The following TENM4 variants were observed in gnomAD, a reference collection of about 807,000 sequenced individuals.
TENM4 encodes teneurin-4.
TENM4 carries 82 observed loss-of-function variants against 243.3 expected under a neutral mutation model. The ratio of observed to expected loss-of-function variants is 0.34; its 90% CI spans 0.28 to 0.40. TENM4 has a LOEUF of 0.40. Ranked by LOEUF, TENM4 falls within the 10% of genes least tolerant of loss-of-function variation. The pLI is 1.00. For synonymous variants in TENM4, 1,412 were observed against 1,456.3 expected (o/e 0.97, Z 0.69); for missense variants, 3,138 against 3,673.3 (o/e 0.85, Z 3.77).
In TENM4 at chr11:79,140,963, G is replaced by T. The variant is rs537101197; in HGVS notation, c.-66+7747C>A. Reference sequence around the variant, plus strand: ...CCTCTGACTCTACCGTCTGTGGGTGGAAAAACAATCTTTCCCCTTGGACCA... The same window carrying T: ...CCTCTGACTCTACCGTCTGTGGGTGTAAAAACAATCTTTCCCCTTGGACCA... On this transcript the variant is annotated intron_variant, in intron 4 of 33. Coordinates refer to ENST00000278550, the MANE Select transcript of TENM4 (RefSeq NM_001098816.3). 3.3e-5 allele frequency among the ~76,000 whole-genome samples: 5 copies of T among 152,054 alleles called. No individual in the cohort carries two copies. In the South Asian group the frequency reaches 1.0e-3, roughly 32 times the overall value.
intron 6 of TENM4, among the ~76,000 whole-genome samples, chr11:78,937,838 C>G (rs1565134584): frequency 6.6e-6 from 1 of 152,196 alleles, no homozygotes; most frequent in Non-Finnish European, 1.5e-5. Flanking sequence ...GTCTCTGTTT[C>G]TGTTTTCCTT....
chr11:78,739,549 A>C (rs1855875154), intron 19 of TENM4, among the ~76,000 whole-genome samples: 3 of 152,112 alleles, frequency 2.0e-5, no homozygotes, highest in Admixed American at 2.0e-4. Flanking sequence ...ACTATGTCTA[A>C]CAAATGCTAG....
rs143737431 is a variant in TENM4 at position 79,376,647 on chromosome 11, A to G, written c.-321+63862T>C. ...CGATGAATGAATGAATGAATGAACG[A>G]ACAGTGGTCCCAACATCTCCAATTT... On this transcript the variant is annotated intron_variant, in intron 1 of 33. Transcript: ENST00000278550. 9.8e-5 allele frequency among the ~76,000 whole-genome samples: 15 copies of G among 152,290 alleles called. No individual in the cohort carries two copies. The East Asian group carries it at 1.7e-3, about 18-fold the overall frequency.
At chr11:79,266,959 A>G (rs1855893608) in intron 2 of TENM4, among the ~76,000 whole-genome samples, 1 of 152,182 alleles carries the variant, frequency 6.6e-6, no homozygotes, top group South Asian at 2.1e-4. Flanking sequence ...CCACATTCAC[A>G]AGTGAGCATT....
At chr11:79,205,159 T>C (rs145607375) in intron 3 of TENM4, among the ~76,000 whole-genome samples, 192 of 152,320 alleles carry the variant, frequency 1.3e-3, no homozygotes, top group African/African-American at 4.4e-3. Flanking sequence ...TAAATTGATA[T>C]TTGTATTGAG....
chr11:79,146,504 A>G (rs926929874), intron 4 of TENM4, among the ~76,000 whole-genome samples: 8 of 152,130 alleles, frequency 5.3e-5, no homozygotes, highest in African/African-American at 1.9e-4. Flanking sequence ...TTCAACAGGT[A>G]CTAGAGGGTA....
At chr11:78,984,916 T>C (rs1857884524) in intron 6 of TENM4, among the ~76,000 whole-genome samples, 1 of 152,186 alleles carries the variant, frequency 6.6e-6, no homozygotes, top group Non-Finnish European at 1.5e-5. Context: ...TATTGGACAG[T>C]ACAAGTTCTA....
Position 78,701,648 on chromosome 11 carries a change from G to A in TENM4, c.4965C>T (p.Gly1655=). The part of the protein sequence containing the change: ...PDGQVYWVTM[G]TNSALKSVTT... ...TCACACTCTTGAGTGCACTGTTGGTGCCCATGGTCACCCAGTACACCTGGC... is the reference window on the plus strand; with the variant it reads ...TCACACTCTTGAGTGCACTGTTGGTACCCATGGTCACCCAGTACACCTGGC... The change falls in exon 28 of 34, where the codon GGC becomes GGT. Residue 1655 remains glycine (G), a synonymous_variant. Coordinates refer to ENST00000278550, the MANE Select transcript of TENM4 (RefSeq NM_001098816.3). The A allele has an allele frequency of 6.2e-7, 1 of 1,613,962 alleles. No homozygotes were observed. Among genetic ancestry groups the A allele is most frequent in the Non-Finnish European group, 8.5e-7 (1 of 1,179,872 alleles).
At position 79,148,688 on chromosome 11, in the gene TENM4, A is replaced by G. The variant is rs996047122; in HGVS notation, c.-66+22T>C. On this transcript the variant is annotated intron_variant, in intron 4 of 33. Coordinates refer to ENST00000278550, the MANE Select transcript of TENM4 (RefSeq NM_001098816.3). ...AACTTAAATCATGAATACTCTCTGA[A>G]GTGTAAAAAAAATCAACTCACTTTT... 7 of 816,094 alleles carry G rather than the reference A, an allele frequency of 8.6e-6. No individual in the cohort carries two copies. In the African/African-American group the frequency reaches 1.1e-4, roughly 13 times the overall value. 50.6% of individuals were successfully genotyped at this position (816,094 alleles called of 1,614,324 possible).
At chr11:79,270,492 A>G (rs1354416481) in intron 2 of TENM4, among the ~76,000 whole-genome samples, 1 of 152,176 alleles carries the variant, frequency 6.6e-6, no homozygotes, top group Non-Finnish European at 1.5e-5. Flanking sequence ...ACTGGATCAA[A>G]TTCAAACTCC....
intron 6 of TENM4, among the ~76,000 whole-genome samples, chr11:78,999,232 G>A (rs1158305693): frequency 6.6e-6 from 1 of 152,182 alleles, no homozygotes; most frequent in African/African-American, 2.4e-5. Flanking sequence ...ATAAACAATG[G>A]GCTGGGCGGG....
chr11:78,749,345 T>C (rs1856127226), intron 19 of TENM4: 1 of 144,594 alleles, frequency 6.9e-6, no homozygotes, highest in Non-Finnish European at 1.5e-5. Flanking sequence ...TAATTTATCA[T>C]TGTCTTTCTT....
chr11:78,671,138 T>A (rs1170730292), intron 31 of TENM4, among the ~76,000 whole-genome samples: 2 of 152,204 alleles, frequency 1.3e-5, no homozygotes, highest in Non-Finnish European at 2.9e-5. Flanking sequence ...CTTTGCACAA[T>A]GACAGGTCAT....
intron 6 of TENM4, among the ~76,000 whole-genome samples, chr11:79,029,030 T>C (rs1036399448): frequency 6.6e-6 from 1 of 152,184 alleles, no homozygotes; most frequent in Admixed American, 6.5e-5. Context: ...CTTAAGAATT[T>C]ACTCACATTT....
At chr11:79,125,627 T>G (rs796131197) in intron 4 of TENM4, among the ~76,000 whole-genome samples, 7 of 152,244 alleles carry the variant, frequency 4.6e-5, no homozygotes, top group African/African-American at 1.7e-4. Context: ...ATGAACTTTT[T>G]TGCCAGAAGA....
At chr11:78,695,127 C>T (rs931652515) in intron 28 of TENM4, among the ~76,000 whole-genome samples, 1 of 150,492 alleles carries the variant, frequency 6.6e-6, no homozygotes, top group African/African-American at 2.5e-5. Flanking sequence ...GATCACTGCA[C>T]CCTTGAACTC....
intron 23 of TENM4, among the ~76,000 whole-genome samples, chr11:78,723,292 C>A (rs928687926): frequency 1.3e-5 from 2 of 152,236 alleles, no homozygotes; most frequent in Admixed American, 1.3e-4. Context: ...TCTCATGTAC[C>A]CAGTCCATAG....
chr11:78,894,215 G>T (rs1855736781), intron 7 of TENM4, among the ~76,000 whole-genome samples: 1 of 152,154 alleles, frequency 6.6e-6, no homozygotes, highest in Non-Finnish European at 1.5e-5. Context: ...GCATGAGCAG[G>T]TCCAAGGAAG....
chr11:79,240,653 C>T (rs960534719), intron 2 of TENM4, among the ~76,000 whole-genome samples: 1 of 152,104 alleles, frequency 6.6e-6, no homozygotes, highest in East Asian at 1.9e-4. Context: ...GCCATCTGAC[C>T]CCAACGCTTG....
Sources: allele counts gnomAD v4.1 joint callset (sites outside exome capture counted in the v4.1 genomes callset), GRCh38; gene constraint gnomAD v4.1.1; transcripts MANE v1.5; gene names NCBI Gene and HGNC (gene_info 2026-07-23, HGNC 2026-07-21).